Variants in HSD17B12 observed in about 807,000 individuals in gnomAD.
The protein encoded by HSD17B12 is hydroxysteroid 17-beta dehydrogenase 12, also known as very-long-chain 3-oxoacyl-CoA reductase.
A neutral mutation model predicts 39.3 loss-of-function variants in HSD17B12; 32 were observed. That is an observed-to-expected ratio of 0.81 (90% CI 0.61 to 1.09). The LOEUF (loss-of-function observed/expected upper bound fraction) is 1.09, where lower values mean the gene tolerates loss of function less well. HSD17B12 is among the 50% of genes least tolerant of loss of function. The pLI is 0.00. For synonymous variants in HSD17B12, 150 were observed against 146.7 expected, an observed-to-expected ratio of 1.02 and a Z score of -0.16; for missense variants, 342 against 382.9, an observed-to-expected ratio of 0.89 and a Z score of 0.89.
At chr11:43,770,157 C>T (rs1362450648) in intron 3 of HSD17B12, among the ~76,000 whole-genome samples, 1 of 152,188 alleles carries the variant, frequency 6.6e-6, no homozygotes, top group Non-Finnish European at 1.5e-5. Context: ...ATGTCTCAAA[C>T]AGTTACACTA....
intron 3 of HSD17B12, among the ~76,000 whole-genome samples, chr11:43,785,419 A>G (rs889587309): frequency 4.6e-5 from 7 of 152,222 alleles, no homozygotes; most frequent in African/African-American, 1.7e-4. Context: ...ATTTTTAACT[A>G]CATTTACTTG....
intron 4 of HSD17B12, among the ~76,000 whole-genome samples, chr11:43,810,404 A>ATATAT (rs1951061689): frequency 1.0e-4 from 5 of 50,046 alleles, no homozygotes; most frequent in Non-Finnish European, 1.6e-4. Context: ...TATATATATA[A>ATATAT]AATTCAGAAT....
At chr11:43,582,075 C>T in the HSD17B12 span, among the ~76,000 whole-genome samples, 4 of 152,222 alleles carry the variant, frequency 2.6e-5, no homozygotes, top group Admixed American at 2.6e-4. Context: ...ACCGCCCGAT[C>T]CCCGGAGTCT....
chr11:43,687,051 A>G (rs1949807489), intron 1 of HSD17B12, among the ~76,000 whole-genome samples: 1 of 152,242 alleles, frequency 6.6e-6, no homozygotes, highest in South Asian at 2.1e-4. Flanking sequence ...AACAAAATTT[A>G]TAAGTTTAGA....
At chr11:43,633,912 TA>T in the HSD17B12 span, among the ~76,000 whole-genome samples, 1 of 151,370 alleles carries the variant, frequency 6.6e-6, no homozygotes, top group Non-Finnish European at 1.5e-5. Flanking sequence ...CCATCTCTAC[TA>T]AAAGTGCAAA....
intron 3 of HSD17B12, among the ~76,000 whole-genome samples, chr11:43,786,397 A>T (rs1950816178): frequency 6.6e-6 from 1 of 152,240 alleles, no homozygotes; most frequent in Non-Finnish European, 1.5e-5. Flanking sequence ...TTTTACTACA[A>T]GTATGTGAAG....
At chr11:43,736,486 A>G (rs1950317829) in intron 1 of HSD17B12, among the ~76,000 whole-genome samples, 1 of 151,880 alleles carries the variant, frequency 6.6e-6, no homozygotes, top group African/African-American at 2.4e-5. Flanking sequence ...GAAAAAGGGG[A>G]CTCTGTATTG....
intron 3 of HSD17B12, among the ~76,000 whole-genome samples, chr11:43,766,182 C>T (rs1437383232): frequency 6.6e-6 from 1 of 152,144 alleles, no homozygotes; most frequent in African/African-American, 2.4e-5. Context: ...ATATATCTAT[C>T]ATAATTATTT....
At chr11:43,619,215 A>T in the HSD17B12 span, among the ~76,000 whole-genome samples, 1,202 of 66,624 alleles carry the variant, frequency 0.018, 6 homozygotes, top group Non-Finnish European at 0.026. Context: ...ATATATATAA[A>T]ATATATATAT....
the HSD17B12 span, among the ~76,000 whole-genome samples, chr11:43,562,344 C>G: frequency 1.1e-4 from 17 of 152,352 alleles, no homozygotes; most frequent in African/African-American, 4.1e-4. Context: ...GCTTTGCAGC[C>G]AAGAAGGCGT....
chr11:43,652,377 CA>C, the HSD17B12 span, among the ~76,000 whole-genome samples: 21 of 152,288 alleles, frequency 1.4e-4, no homozygotes, highest in African/African-American at 5.1e-4. Context: ...TGTCTGTTAC[CA>C]AATGTGTGGA....
At chr11:43,691,200 G>T (rs1028917843) in intron 1 of HSD17B12, among the ~76,000 whole-genome samples, 1 of 152,198 alleles carries the variant, frequency 6.6e-6, no homozygotes, top group African/African-American at 2.4e-5. Context: ...AGTAAAATGA[G>T]TGAAGTGGAC....
At chr11:43,565,350 G>A in the HSD17B12 span, among the ~76,000 whole-genome samples, 1 of 152,172 alleles carries the variant, frequency 6.6e-6, no homozygotes, top group Non-Finnish European at 1.5e-5. Flanking sequence ...GAGCAGCCAA[G>A]CTAATTAGAG....
the HSD17B12 span, among the ~76,000 whole-genome samples, chr11:43,558,206 G>C: frequency 6.6e-6 from 1 of 152,306 alleles, no homozygotes; most frequent in South Asian, 2.1e-4. Flanking sequence ...GGGGAAGAGA[G>C]GTGGAGGGGT....
chr11:43,570,070 A>C, the HSD17B12 span: 3 of 152,638 alleles, frequency 2.0e-5, no homozygotes, highest in Non-Finnish European at 4.4e-5. Context: ...GATTCAGTCC[A>C]TCACTCAGCC....
intron 1 of HSD17B12, chr11:43,681,194 C>T (rs1364321644): frequency 5.2e-6 from 7 of 1,337,282 alleles, no homozygotes; most frequent in Middle Eastern, 2.7e-4. Flanking sequence ...GTACGAAATA[C>T]ACTGCTCGCT....
intron 3 of HSD17B12, among the ~76,000 whole-genome samples, chr11:43,782,344 T>TA (rs1950773940): frequency 6.6e-6 from 1 of 152,136 alleles, no homozygotes; most frequent in Non-Finnish European, 1.5e-5. Flanking sequence ...AATTGAGCAT[T>TA]AAAATTAAAA....
chr11:43,614,032 A>G, the HSD17B12 span, among the ~76,000 whole-genome samples: 7 of 152,260 alleles, frequency 4.6e-5, no homozygotes, highest in South Asian at 1.2e-3. Flanking sequence ...TGATTTTTCT[A>G]TATATTTTAC....
chr11:43,737,847 G>T (rs376757014), intron 1 of HSD17B12, among the ~76,000 whole-genome samples: 6 of 152,272 alleles, frequency 3.9e-5, no homozygotes, highest in African/African-American at 1.4e-4. Flanking sequence ...GCCGAGGCAG[G>T]TGGATCACGA....
Sources: allele counts gnomAD v4.1 joint callset (sites outside exome capture counted in the v4.1 genomes callset), GRCh38; gene constraint gnomAD v4.1.1; transcripts MANE v1.5; gene names NCBI Gene and HGNC (gene_info 2026-07-23, HGNC 2026-07-21).